Variants in SNX18 observed in about 807,000 individuals in gnomAD.
The protein encoded by SNX18 is sorting nexin-18.
SNX18 carries 35 observed loss-of-function variants against 48.7 expected under a neutral mutation model. The observed-to-expected ratio is 0.72, with a 90% CI of 0.55 to 0.95. SNX18 has a LOEUF of 0.95. SNX18 is among the 40% of genes least tolerant of loss of function. The probability of loss-of-function intolerance (pLI) is 0.00; values close to 1 mark genes in which losing one functional copy is unlikely to be tolerated. For synonymous variants in SNX18, 492 were observed against 384.7 expected (o/e 1.28, Z -3.26); for missense variants, 824 against 871.0 (o/e 0.95, Z 0.68).
intron 1 of SNX18, among the ~76,000 whole-genome samples, chr5:54,539,819 G>T (rs1163241173): frequency 1.8e-5 from 2 of 109,972 alleles, no homozygotes; most frequent in Admixed American, 1.7e-4. Flanking sequence ...ATGAGTCTTT[G>T]GGTTTTTTTG....
the SNX18 span, among the ~76,000 whole-genome samples, chr5:54,568,288 C>T: frequency 6.6e-6 from 1 of 152,196 alleles, no homozygotes; most frequent in African/African-American, 2.4e-5. Context: ...TTTAGTGACA[C>T]ACTTTATGGT....
At chr5:54,641,388 CTTTT>C in the SNX18 span, among the ~76,000 whole-genome samples, 1 of 151,924 alleles carries the variant, frequency 6.6e-6, no homozygotes, top group East Asian at 1.9e-4. Flanking sequence ...TAAAAGAGGT[CTTTT>C]TTTTAAACTG....
rs1275111155 is a variant in SNX18 at position 54,544,431 on chromosome 5, T to C, written c.*999T>C. ...TTTGAAAAAAAATGGATCTACACTG[T>C]TAACTGATTGAGACTCCACTGTGAT... On this transcript the variant is annotated 3_prime_UTR_variant, in exon 2 of 2. Transcript: ENST00000381410. The C allele has an allele frequency of 2.0e-5, 3 of 152,154 alleles. No individual in the cohort carries two copies. The highest frequency in any genetic ancestry group is 4.4e-5 in the Non-Finnish European group (3 of 68,024). The allele number at this position is 152,154 out of a possible 1,614,324, so 9.4% of individuals were successfully genotyped here. A position where few individuals can be genotyped will look rare whatever the true frequency, so the allele number is the denominator to read the frequency against.
At chr5:54,539,836 TTTG>T (rs1762431154) in intron 1 of SNX18, among the ~76,000 whole-genome samples, 3 of 152,126 alleles carry the variant, frequency 2.0e-5, no homozygotes, top group African/African-American at 7.2e-5. Flanking sequence ...TTTGTTTTGT[TTTG>T]TTTTGTTGTT....
chr5:54,606,961 C>T, the SNX18 span, among the ~76,000 whole-genome samples: 1 of 152,198 alleles, frequency 6.6e-6, no homozygotes. Flanking sequence ...ACAACCACTC[C>T]TACCTTCCTC....
Position 54,519,011 on chromosome 5 carries a change from G to A in SNX18, c.1059G>A (p.Arg353=). ...RFEEDFISKR[R]KGLIWWMNHM... is the part of the protein sequence containing the mutation. ...AGGAGGACTTCATCTCTAAGCGCAG[G>A]AAGGGCCTGATCTGGTGGATGAACC... Residue 353 remains arginine (R), a synonymous_variant, in exon 1 of 2, where the codon AGG becomes AGA. Coordinates refer to ENST00000381410, the MANE Select transcript of SNX18 (RefSeq NM_001102575.2). 1 of 1,613,500 alleles carries A rather than the reference G, an allele frequency of 6.2e-7. No individual in the cohort carries two copies. Among genetic ancestry groups the A allele is most frequent in the African/African-American group, 1.3e-5 (1 of 75,064 alleles).
the SNX18 span, among the ~76,000 whole-genome samples, chr5:54,633,218 T>A: frequency 6.6e-6 from 1 of 151,824 alleles, no homozygotes; most frequent in Non-Finnish European, 1.5e-5. Flanking sequence ...CTCAAGTGAG[T>A]CCTTTGTCCT....
At chr5:54,645,057 A>C in the SNX18 span, 2 of 152,198 alleles carry the variant, frequency 1.3e-5, no homozygotes, top group Non-Finnish European at 2.9e-5. Context: ...CATGCACAGT[A>C]AAGTTTGGGA....
chr5:54,572,120 G>C, the SNX18 span, among the ~76,000 whole-genome samples: 133 of 152,274 alleles, frequency 8.7e-4, no homozygotes, highest in Non-Finnish European at 1.6e-3. Flanking sequence ...TTTTCACCTA[G>C]AGGTGACCAC....
intron 1 of SNX18, among the ~76,000 whole-genome samples, chr5:54,536,126 T>C (rs566302679): frequency 1.4e-4 from 21 of 152,328 alleles, no homozygotes; most frequent in Middle Eastern, 3.4e-3. Flanking sequence ...AGGCTCAGCC[T>C]AGGCGGCACT....
chr5:54,569,249 G>A, the SNX18 span, among the ~76,000 whole-genome samples: 1 of 152,118 alleles, frequency 6.6e-6, no homozygotes, highest in Admixed American at 6.5e-5. Flanking sequence ...ATAAAGAAGA[G>A]CGTTAATCAC....
chr5:54,593,611 G>A, the SNX18 span, among the ~76,000 whole-genome samples: 1 of 152,140 alleles, frequency 6.6e-6, no homozygotes, highest in Non-Finnish European at 1.5e-5. Context: ...AAAGATGAAC[G>A]AACTTGGAAC....
chr5:54,572,765 T>TAC, the SNX18 span, among the ~76,000 whole-genome samples: 2 of 110,648 alleles, frequency 1.8e-5, no homozygotes, highest in East Asian at 4.6e-4. Context: ...TATATATATA[T>TAC]ATATATATAT....
At chr5:54,627,515 GTTCT>G in the SNX18 span, among the ~76,000 whole-genome samples, 1 of 152,130 alleles carries the variant, frequency 6.6e-6, no homozygotes, top group South Asian at 2.1e-4. Flanking sequence ...TCTTTACACT[GTTCT>G]TTGTTATAAA....
chr5:54,524,333 C>A (rs1465414822), intron 1 of SNX18, among the ~76,000 whole-genome samples: 1 of 152,150 alleles, frequency 6.6e-6, no homozygotes, highest in African/African-American at 2.4e-5. Context: ...GCCACATAGC[C>A]TTCAGAGTCA....
chr5:54,639,582 T>C, the SNX18 span, among the ~76,000 whole-genome samples: 7 of 145,612 alleles, frequency 4.8e-5, no homozygotes, highest in Non-Finnish European at 9.0e-5. Flanking sequence ...TGCTAGGAGG[T>C]AAGGACTATT....
At chr5:54,619,755 AAG>A in the SNX18 span, among the ~76,000 whole-genome samples, 1 of 152,146 alleles carries the variant, frequency 6.6e-6, no homozygotes, top group Non-Finnish European at 1.5e-5. Context: ...GCTTTTTCCA[AAG>A]AGAGTTTTGG....
chr5:54,581,778 T>G, the SNX18 span, among the ~76,000 whole-genome samples: 1 of 152,230 alleles, frequency 6.6e-6, no homozygotes, highest in Non-Finnish European at 1.5e-5. Context: ...GTCCTCCACG[T>G]GGGTGGTGCT....
rs148273455 is a variant in SNX18, at chr5:54,518,866, C to T, written c.914C>T (p.Thr305Met). 11 of 1,613,290 alleles carry T rather than the reference C, an allele frequency of 6.8e-6. No individual in the cohort carries two copies. Among genetic ancestry groups the T allele is most frequent in the Non-Finnish European group, 8.5e-6 (10 of 1,179,618 alleles). ...YISYKLVPTH[T>M]QVPVHRRYKH... ...TCCTACAAGCTGGTGCCCACGCACA[C>T]GCAGGTGCCGGTGCATCGGCGCTAC... The change falls in exon 1 of 2, where the codon ACG (threonine) becomes ATG (methionine). Residue 305 changes from threonine to methionine, a missense_variant. This residue lies in a region of SNX18 where 443 missense variants were observed against 503.6 expected (regional missense o/e 0.88). Transcript: ENST00000381410.
Sources: allele counts gnomAD v4.1 joint callset (sites outside exome capture counted in the v4.1 genomes callset), GRCh38; gene constraint gnomAD v4.1.1; regional missense constraint gnomAD v4.1.1; transcripts MANE v1.5; gene names NCBI Gene and HGNC (gene_info 2026-07-23, HGNC 2026-07-21).